XIST: variants seen among roughly 807,000 people sequenced by gnomAD.
XIST encodes X inactive specific transcript (non-protein coding).
At chrX:73,834,299 GAAC>G (rs1274850458) in intron 2 of XIST, among the ~76,000 whole-genome samples, 2 of 112,569 alleles carry the variant, frequency 1.8e-5, no homozygotes, top group East Asian at 2.8e-4. Flanking sequence ...ATCTAAAAGG[GAAC>G]AACTATTCCA....
At chrX:73,821,030 CTG>C (rs753830055) in exon 6 of XIST, 13 of 557,655 alleles carry the variant, frequency 2.3e-5, no homozygotes, top group Middle Eastern at 3.1e-4. Flanking sequence ...ATGCCAGAAA[CTG>C]TGAAAGGAAG....
chrX:73,841,865 A>G (rs934357731), exon 1 of XIST: 1 of 513,401 alleles, frequency 1.9e-6, no homozygotes, highest in African/African-American at 2.3e-5. Context: ...TTTTACTGCA[A>G]TCTTCTTGAA....
At chrX:73,839,477 A>G (rs761765996) in intron 1 of XIST, among the ~76,000 whole-genome samples, 1 of 111,589 alleles carries the variant, frequency 9.0e-6, no homozygotes, top group Non-Finnish European at 1.9e-5. Flanking sequence ...TTTCACTAGC[A>G]GTCTCGAGAT....
Position 73,841,157 on chromosome X carries a change from G to A in XIST, n.11342+225C>T, listed in dbSNP as rs564360302. 6.1e-4 allele frequency: 188 copies of A among 307,798 alleles called. No homozygotes were observed. The Middle Eastern group carries it at 8.6e-3, about 14-fold the overall frequency. The allele number at this position is 307,798 out of a possible 1,213,427, so 25.4% of individuals were successfully genotyped here. On this transcript the variant is annotated intron_variant and non_coding_transcript_variant, in intron 1 of 5. Coordinates refer to ENST00000429829, the Ensembl canonical transcript of XIST. ...GGTTATCAGTGTAACCTAGCATAGA[G>A]CTGGGTCCACAATATTAATTCTACA...
At chrX:73,841,217 CATGT>C (rs1448243234) in intron 1 of XIST, 1 of 346,735 alleles carries the variant, frequency 2.9e-6, no homozygotes, top group Non-Finnish European at 5.0e-6. Context: ...TGTATTTATG[CATGT>C]ATGTATGTAT....
At chrX:73,827,473 G>A (rs1419241066) in exon 6 of XIST, 1 of 536,086 alleles carries the variant, frequency 1.9e-6, no homozygotes, top group Non-Finnish European at 3.3e-6. Flanking sequence ...ATCACAAACA[G>A]CAAGAGATGC....
exon 6 of XIST, chrX:73,826,532 G>A (rs377563423): frequency 2.3e-5 from 13 of 557,322 alleles, no homozygotes; most frequent in African/African-American, 8.9e-5. Flanking sequence ...AAAGGTAACC[G>A]GCAACATCAA....
exon 1 of XIST, chrX:73,845,087 G>C (rs1050158724): frequency 1.8e-6 from 1 of 556,147 alleles, no homozygotes; most frequent in Non-Finnish European, 3.2e-6. Flanking sequence ...ATTCAGATGG[G>C]ATGGGCCATG....
At chrX:73,844,275 T>C (rs1203354434) in exon 1 of XIST, 1 of 557,311 alleles carries the variant, frequency 1.8e-6, no homozygotes, top group Non-Finnish European at 3.2e-6. Context: ...TTACATACAT[T>C]AATGTCCAAG....
intron 2 of XIST, among the ~76,000 whole-genome samples, chrX:73,835,683 G>A (rs888874808): frequency 6.3e-5 from 7 of 111,551 alleles, no homozygotes; most frequent in East Asian, 2.8e-4. Context: ...TACAGAAAAC[G>A]TTTAATCAAA....
chrX:73,848,825 G>T, exon 1 of XIST: 1 of 558,286 alleles, frequency 1.8e-6, no homozygotes, highest in South Asian at 2.2e-5. Flanking sequence ...CTAATGAGTG[G>T]GACTATGGGC....
chrX:73,829,001 T>C (rs1922322960), intron 5 of XIST: 2 of 488,719 alleles, frequency 4.1e-6, no homozygotes, highest in African/African-American at 4.7e-5. Flanking sequence ...CAACACCAGC[T>C]CCCAAAAAAC....
exon 1 of XIST, chrX:73,844,406 C>T: frequency 1.8e-6 from 1 of 558,391 alleles, no homozygotes; most frequent in Non-Finnish European, 3.2e-6. Flanking sequence ...TTATCTAGTA[C>T]ACAAGAATAT....
chrX:73,850,129 ACT>A (rs1405081873), exon 1 of XIST: 2 of 554,956 alleles, frequency 3.6e-6, no homozygotes, highest in Admixed American at 4.5e-5. Context: ...ACCTTCAAAC[ACT>A]CTTTTTTACA....
chrX:73,840,017 G>C (rs1156345614), intron 1 of XIST, among the ~76,000 whole-genome samples: 1 of 111,259 alleles, frequency 9.0e-6, no homozygotes, highest in African/African-American at 3.3e-5. Context: ...GGGGATTTGT[G>C]AATATATTCT....
At chrX:73,848,597 G>A (rs750675086) in exon 1 of XIST, 1 of 558,005 alleles carries the variant, frequency 1.8e-6, no homozygotes, top group South Asian at 2.2e-5. Flanking sequence ...CTAATGGACA[G>A]GACTCTGGAC....
chrX:73,834,431 G>A (rs1029745679), intron 2 of XIST, among the ~76,000 whole-genome samples: 1 of 112,404 alleles, frequency 8.9e-6, no homozygotes, highest in Non-Finnish European at 1.9e-5. Flanking sequence ...TTCCCTTAAC[G>A]GGAATCTAAG....
At chrX:73,849,556 G>T (rs1259964931) in exon 1 of XIST, 1 of 558,137 alleles carries the variant, frequency 1.8e-6, no homozygotes, top group Non-Finnish European at 3.2e-6. Flanking sequence ...CTCAAATTGT[G>T]GGCAATAATG....
At chrX:73,831,233 A>G (rs753198315) in exon 4 of XIST, 2 of 551,241 alleles carry the variant, frequency 3.6e-6, no homozygotes, top group Non-Finnish European at 6.5e-6. Context: ...GGAATGGATC[A>G]CTAACACTGT....
Sources: gnomAD v4.1 joint callset for allele counts (sites outside exome capture counted in the v4.1 genomes callset) on GRCh38, gnomAD v4.1.1 for gene constraint, MANE v1.5 for transcripts, NCBI Gene and HGNC (gene_info 2026-07-23, HGNC 2026-07-21) for gene names.